The following FMN1 variants were observed in gnomAD, a reference collection of about 807,000 sequenced individuals.
The protein encoded by FMN1 is formin-1.
In FMN1, 110 loss-of-function variants were observed where a neutral mutation model predicts 132.4. The observed-to-expected ratio is 0.83, with a 90% CI of 0.71 to 0.97. FMN1 has a LOEUF of 0.97. Among genes scored for constraint, FMN1 ranks in the 50% least tolerant of loss-of-function variants. The pLI is 0.00. For missense variants in FMN1, 1,792 were observed against 1,705.3 expected, an observed-to-expected ratio of 1.05 and a Z score of -0.90; for synonymous variants, 722 against 651.7, an observed-to-expected ratio of 1.11 and a Z score of -1.64.
At chr15:33,090,970 A>T (rs193029529) in intron 4 of FMN1, among the ~76,000 whole-genome samples, 579 of 152,310 alleles carry the variant, frequency 3.8e-3, no homozygotes, top group Admixed American at 6.9e-3. Context: ...AATTTACAGT[A>T]TACTCTCACT....
chr15:32,971,121 T>C (rs947532884), intron 7 of FMN1, among the ~76,000 whole-genome samples: 10 of 152,160 alleles, frequency 6.6e-5, no homozygotes, highest in Non-Finnish European at 1.3e-4. Flanking sequence ...TATCTTCAAG[T>C]GTAAAGTATA....
chr15:33,036,739 T>G (rs1043111200), intron 6 of FMN1, among the ~76,000 whole-genome samples: 7 of 152,246 alleles, frequency 4.6e-5, no homozygotes, highest in African/African-American at 1.7e-4. Flanking sequence ...ATTTAATCCA[T>G]GTAGAGCATT....
At chr15:32,848,369 A>G (rs1312639517) in intron 17 of FMN1, among the ~76,000 whole-genome samples, 2 of 148,834 alleles carry the variant, frequency 1.3e-5, no homozygotes, top group Non-Finnish European at 2.9e-5. Flanking sequence ...TGTGTGTATT[A>G]GACTGTCTTG....
chr15:33,117,229 G>A (rs2039962657), intron 4 of FMN1, among the ~76,000 whole-genome samples: 1 of 152,052 alleles, frequency 6.6e-6, no homozygotes, highest in Non-Finnish European at 1.5e-5. Flanking sequence ...ACAAATCCAG[G>A]GTGCCACTGC....
At chr15:32,955,335 T>C (rs1483539725) in intron 9 of FMN1, among the ~76,000 whole-genome samples, 1 of 152,240 alleles carries the variant, frequency 6.6e-6, no homozygotes, top group Non-Finnish European at 1.5e-5. Context: ...ATCACATACA[T>C]GGGAGATGTG....
At chr15:32,993,663 G>A (rs79252941) in intron 7 of FMN1, among the ~76,000 whole-genome samples, 5 of 152,164 alleles carry the variant, frequency 3.3e-5, no homozygotes, top group African/African-American at 1.2e-4. Flanking sequence ...GTTCCAGAGG[G>A]AGAATCAAGC....
chr15:33,126,078 AG>A (rs1963036378), intron 4 of FMN1, among the ~76,000 whole-genome samples: 1 of 152,178 alleles, frequency 6.6e-6, no homozygotes. Flanking sequence ...AGGGCTTTGC[AG>A]GTGATAAAGC....
chr15:33,183,001 A>T (rs918263585), intron 2 of FMN1, among the ~76,000 whole-genome samples: 1 of 152,206 alleles, frequency 6.6e-6, no homozygotes, highest in Non-Finnish European at 1.5e-5. Context: ...AAACTAATAA[A>T]TGATAGAATG....
intron 19 of FMN1, among the ~76,000 whole-genome samples, chr15:32,784,323 T>C (rs2056775499): frequency 6.6e-6 from 1 of 152,166 alleles, no homozygotes; most frequent in Non-Finnish European, 1.5e-5. Flanking sequence ...AGCTTTACTT[T>C]GTTTTATACA....
intron 4 of FMN1, among the ~76,000 whole-genome samples, chr15:33,136,952 G>A (rs1234208650): frequency 1.3e-5 from 2 of 151,954 alleles, no homozygotes; most frequent in Non-Finnish European, 2.9e-5. Flanking sequence ...GCCAGGCGTG[G>A]TGGCGGGAGC....
intron 20 of FMN1, among the ~76,000 whole-genome samples, chr15:32,774,678 C>T (rs2056357977): frequency 6.6e-6 from 1 of 152,138 alleles, no homozygotes; most frequent in South Asian, 2.1e-4. Context: ...TGTAGTGTTA[C>T]TCAAGGACCC....
intron 7 of FMN1, among the ~76,000 whole-genome samples, chr15:32,969,797 T>C (rs2956145): frequency 0.51 from 78,095 of 152,082 alleles, 21,854 homozygotes; most frequent in East Asian, 0.77. Context: ...AAACTTTTAA[T>C]AAAGTTTTGG....
At position 33,035,242 on chromosome 15, in the gene FMN1, A is replaced by G. The variant is rs139253810; in HGVS notation, c.2162-27167T>C. 6.0e-3 allele frequency among the ~76,000 whole-genome samples: 909 copies of G among 152,322 alleles called. 9 individuals are homozygous for G. Among genetic ancestry groups the G allele is most frequent in the African/African-American group, 0.021 (876 of 41,564 alleles). ...ATATTTTAAGATATCCACAACAACT[A>G]TAACGTGATGTGACAGTATCTGTGA... On this transcript the variant is annotated intron_variant, in intron 6 of 20. Transcript: ENST00000616417.
At chr15:32,785,214 ATATATTT>A (rs1157141913) in intron 19 of FMN1, among the ~76,000 whole-genome samples, 4 of 22,130 alleles carry the variant, frequency 1.8e-4, no homozygotes, top group South Asian at 3.8e-3. Context: ...ATATATATAT[ATATATTT>A]TTTTTTTTTT....
intron 7 of FMN1, among the ~76,000 whole-genome samples, chr15:32,996,819 A>G (rs1357847873): frequency 6.6e-6 from 1 of 152,190 alleles, no homozygotes; most frequent in Non-Finnish European, 1.5e-5. Context: ...ACCATTTATC[A>G]CACATGAACA....
intron 10 of FMN1, among the ~76,000 whole-genome samples, chr15:32,924,438 T>G (rs1277348220): frequency 6.6e-6 from 1 of 152,186 alleles, no homozygotes; most frequent in Non-Finnish European, 1.5e-5. Context: ...GTAACTTAAG[T>G]GTCTTGTAGG....
intron 9 of FMN1, among the ~76,000 whole-genome samples, chr15:32,953,847 T>C (rs1457059014): frequency 1.3e-5 from 2 of 152,202 alleles, no homozygotes; most frequent in Admixed American, 6.5e-5. Context: ...ACATTGTGGT[T>C]TGAGTCTGGT....
intron 9 of FMN1, among the ~76,000 whole-genome samples, chr15:32,947,140 T>C (rs2061527190): frequency 1.3e-5 from 2 of 152,158 alleles, no homozygotes; most frequent in African/African-American, 4.8e-5. Flanking sequence ...CTATATTATT[T>C]TCAAAAATTA....
chr15:33,174,607 T>C (rs1965449381), intron 3 of FMN1, among the ~76,000 whole-genome samples: 1 of 150,270 alleles, frequency 6.7e-6, no homozygotes. Flanking sequence ...ATTCAGTTAA[T>C]TAGACAATTC....
Sources: allele counts gnomAD v4.1 joint callset (sites outside exome capture counted in the v4.1 genomes callset), GRCh38; gene constraint gnomAD v4.1.1; transcripts MANE v1.5; gene names NCBI Gene and HGNC (gene_info 2026-07-23, HGNC 2026-07-21).